The following ERBIN variants were observed in gnomAD, a reference collection of about 807,000 sequenced individuals.
The protein encoded by ERBIN is erbb2 interacting protein.
Under a neutral mutation model 158.4 loss-of-function variants are expected in ERBIN, and 60 were observed. The observed-to-expected ratio is 0.38, with a 90% CI of 0.31 to 0.47. The LOEUF (loss-of-function observed/expected upper bound fraction) is 0.47. Ranked by LOEUF, ERBIN falls within the 20% of genes least tolerant of loss-of-function variation. The probability of loss-of-function intolerance (pLI) is 0.99; values close to 1 mark genes in which losing one functional copy is unlikely to be tolerated. For synonymous variants in ERBIN, 594 were observed against 557.2 expected (o/e 1.07, Z -0.93); for missense variants, 1,610 against 1,648.0 (o/e 0.98, Z 0.40).
chr5:65,995,022 G>C (rs985502396), intron 4 of ERBIN, among the ~76,000 whole-genome samples, 158 bp downstream of exon 4: 2 of 152,116 alleles, frequency 1.3e-5, no homozygotes, highest in Non-Finnish European at 2.9e-5. Flanking sequence ...ATAGTTGCCC[G>C]ACTTTACAAG....
chr5:65,985,683 TCTG>T (rs1751147867), intron 1 of ERBIN, among the ~76,000 whole-genome samples: 1 of 152,200 alleles, frequency 6.6e-6, no homozygotes. Flanking sequence ...TGTCTACAAA[TCTG>T]CTGTTGTATC....
intron 4 of ERBIN, among the ~76,000 whole-genome samples, chr5:66,004,210 T>C (rs1753317432): frequency 6.6e-6 from 1 of 151,064 alleles, no homozygotes; most frequent in Non-Finnish European, 1.5e-5. Flanking sequence ...CCTCCCAAAG[T>C]AGTGGGAATA....
At chr5:65,934,889 CT>C (rs1743894840) in intron 1 of ERBIN, among the ~76,000 whole-genome samples, 1 of 152,112 alleles carries the variant, frequency 6.6e-6, no homozygotes, top group African/African-American at 2.4e-5. Context: ...TGAGAACCCC[CT>C]GGCTTATTTT....
intron 21 of ERBIN, among the ~76,000 whole-genome samples, chr5:66,057,992 C>T (rs1165348146): frequency 1.3e-5 from 2 of 152,048 alleles, no homozygotes; most frequent in Non-Finnish European, 2.9e-5. Flanking sequence ...CCACAATAAA[C>T]ATACGTGTGC....
At chr5:65,999,239 G>A (rs971632987) in intron 4 of ERBIN, among the ~76,000 whole-genome samples, 2 of 152,058 alleles carry the variant, frequency 1.3e-5, no homozygotes, top group Admixed American at 6.6e-5. Context: ...GGTGGTGGAC[G>A]CCTATAATCC....
intron 21 of ERBIN, among the ~76,000 whole-genome samples, chr5:66,069,565 A>G (rs895041066): frequency 6.6e-6 from 1 of 152,222 alleles, no homozygotes; most frequent in African/African-American, 2.4e-5. Context: ...ACATTTCCTT[A>G]GTAGTGAAGA....
chr5:66,026,243 A>G (rs910442015), intron 12 of ERBIN, 59 bp from the exon 13 acceptor site: 2 of 1,027,714 alleles, frequency 1.9e-6, no homozygotes, highest in African/African-American at 1.7e-5. Context: ...GATGTTTTTT[A>G]TATGTTGATC....
chr5:65,975,621 T>C (rs1249337493), intron 1 of ERBIN, among the ~76,000 whole-genome samples: 1 of 152,164 alleles, frequency 6.6e-6, no homozygotes, highest in East Asian at 1.9e-4. Context: ...GTCTATTGAA[T>C]TTAGATGTTT....
chr5:65,998,238 A>G (rs898485841), intron 4 of ERBIN, among the ~76,000 whole-genome samples: 1 of 148,836 alleles, frequency 6.7e-6, no homozygotes, highest in Non-Finnish European at 1.5e-5. Context: ...AAAAATATAT[A>G]TATATAGATA....
intron 1 of ERBIN, among the ~76,000 whole-genome samples, chr5:65,964,383 A>C (rs1299744597): frequency 6.6e-6 from 1 of 152,202 alleles, no homozygotes; most frequent in African/African-American, 2.4e-5. Context: ...TATTGGAATC[A>C]CCTGGAGAGC....
chr5:66,076,945 T>C lies in ERBIN; in HGVS notation c.4127T>C (p.Ile1376Thr), dbSNP rs1210495577. 1.9e-6 allele frequency: 3 copies of C among 1,590,486 alleles called. No homozygotes were observed. The highest frequency in any genetic ancestry group is 2.7e-5 in the African/African-American group (2 of 73,318). Residue 1376 changes from isoleucine (I) to threonine (T), a missense_variant, in exon 25 of 26, where the codon ATT becomes ACT. Around this residue, in one of 2 missense-constraint regions of ERBIN, gnomAD observed 1,014 missense variants for 936.1 expected, o/e 1.08. Transcript: ENST00000284037. ...TTACTGCAGCCAGGTGATAAAATTA[T>C]TCAGGTAATTAAAATAAATCTTTTT... ...SKLLQPGDKIIQANGYSFINI... is the reference protein window; with the variant it reads ...SKLLQPGDKITQANGYSFINI...
intron 1 of ERBIN, among the ~76,000 whole-genome samples, chr5:65,936,668 G>A (rs1189777002): frequency 6.6e-6 from 1 of 152,326 alleles, no homozygotes; most frequent in South Asian, 2.1e-4. Flanking sequence ...GGATAGGAAG[G>A]CTGGATAAGG....
At chr5:65,968,437 T>C (rs1368984296) in intron 1 of ERBIN, among the ~76,000 whole-genome samples, 1 of 152,232 alleles carries the variant, frequency 6.6e-6, no homozygotes, top group Non-Finnish European at 1.5e-5. Flanking sequence ...TACCAGACTT[T>C]GAGAGGCTCT....
chr5:65,975,342 G>A (rs1749736953), intron 1 of ERBIN, among the ~76,000 whole-genome samples: 1 of 152,044 alleles, frequency 6.6e-6, no homozygotes, highest in Non-Finnish European at 1.5e-5. Context: ...GTCTCACTCT[G>A]TCACCCAGGC....
At position 66,078,585 on chromosome 5, in the gene ERBIN, C is replaced by A; in HGVS notation, c.*55C>A. On this transcript the variant is annotated 3_prime_UTR_variant, in exon 26 of 26. Coordinates refer to ENST00000284037, the MANE Select transcript of ERBIN (RefSeq NM_001253697.2). ...AGCAAGATTTATTGGAAGATACTTA[C>A]AGGGGAAATTAATATTTTGACTATT... The A allele has an allele frequency of 2.0e-6, 2 of 1,003,608 alleles. No homozygotes were observed. Among genetic ancestry groups the A allele is most frequent in the Non-Finnish European group, 3.1e-6 (2 of 642,478 alleles). 62.2% of individuals were successfully genotyped at this position (1,003,608 alleles called of 1,614,324 possible). A position where few individuals can be genotyped will look rare whatever the true frequency, so the allele number is the denominator to read the frequency against.
intron 1 of ERBIN, among the ~76,000 whole-genome samples, chr5:65,945,220 A>C (rs6896152): frequency 6.6e-6 from 1 of 152,240 alleles, no homozygotes; most frequent in Non-Finnish European, 1.5e-5. Flanking sequence ...GTATTTTTCT[A>C]TACAGGATAA....
rs769167547 is a variant in ERBIN, at chr5:66,054,664, ACTC to A, written c.3351_3353del (p.Pro1118del). ...CAGAGAGTTCCACTCAGCGGGAAGA[ACTC>A]CTCCAATGATGCCAGGATCACAGAG... On this transcript the variant is annotated inframe_deletion, in exon 21 of 26. Coordinates refer to ENST00000284037, the MANE Select transcript of ERBIN (RefSeq NM_001253697.2). The A allele has an allele frequency of 2.9e-5, 47 of 1,613,824 alleles. No homozygotes were observed. Among genetic ancestry groups the A allele is most frequent in the South Asian group, 2.0e-4 (18 of 91,066 alleles).
chr5:66,006,164 A>T (rs568442401), intron 4 of ERBIN, among the ~76,000 whole-genome samples: 1 of 152,206 alleles, frequency 6.6e-6, no homozygotes, highest in African/African-American at 2.4e-5. Flanking sequence ...TACAGTAACT[A>T]AAACAGCATA....
At chr5:66,004,387 T>C (rs534354866) in intron 4 of ERBIN, among the ~76,000 whole-genome samples, 1 of 152,100 alleles carries the variant, frequency 6.6e-6, no homozygotes, top group African/African-American at 2.4e-5. Context: ...TGCGTGTGTG[T>C]GTGCGCGCGC....
Sources: allele counts gnomAD v4.1 joint callset (sites outside exome capture counted in the v4.1 genomes callset), GRCh38; gene constraint gnomAD v4.1.1; regional missense constraint gnomAD v4.1.1; transcripts MANE v1.5; gene names NCBI Gene and HGNC (gene_info 2026-07-23, HGNC 2026-07-21).